MARK3: variants seen among roughly 807,000 people sequenced by gnomAD.
MARK3 encodes the protein microtubule affinity regulating kinase 3, also known as MAP/microtubule affinity-regulating kinase 3.
Under a neutral mutation model 90.1 loss-of-function variants are expected in MARK3, and 46 were observed. The ratio of observed to expected loss-of-function variants is 0.51; its 90% CI spans 0.40 to 0.65. The LOEUF (loss-of-function observed/expected upper bound fraction) is 0.65. Ranked by LOEUF, MARK3 falls within the 30% of genes least tolerant of loss-of-function variation. MARK3 has a pLI of 0.00. For missense variants in MARK3, 818 were observed against 947.2 expected (o/e 0.86, Z 1.79); for synonymous variants, 321 against 332.6 (o/e 0.97, Z 0.38).
chr14:103,426,602 C>G (rs1220849490), intron 2 of MARK3, among the ~76,000 whole-genome samples: 3 of 152,128 alleles, frequency 2.0e-5, no homozygotes, highest in Non-Finnish European at 4.4e-5. Flanking sequence ...CATGGCAAAG[C>G]CTCTCTCCAC....
chr14:103,485,924 T>C (rs2093920514), intron 14 of MARK3, among the ~76,000 whole-genome samples: 1 of 152,032 alleles, frequency 6.6e-6, no homozygotes. Context: ...TACAAAACAG[T>C]TGGGAAGATT....
intron 13 of MARK3, among the ~76,000 whole-genome samples, chr14:103,478,656 C>T (rs1162267821): frequency 1.3e-5 from 2 of 152,162 alleles, no homozygotes; most frequent in Admixed American, 1.3e-4. Context: ...TCTCCTGCCT[C>T]AGCCTCCTGA....
chr14:103,440,927 G>A lies in MARK3; in HGVS notation c.298-7992G>A, dbSNP rs141161140. 2.8e-3 allele frequency among the ~76,000 whole-genome samples: 379 copies of A among 137,018 alleles called. 1 individual carries two copies. Among genetic ancestry groups the A allele is most frequent in the African/African-American group, 9.7e-3 (362 of 37,288 alleles). The allele number at this position is 137,018 out of a possible 152,430, so 89.9% of individuals were successfully genotyped here. A position where few individuals can be genotyped will look rare whatever the true frequency, so the allele number is the denominator to read the frequency against. On this transcript the variant is annotated intron_variant, in intron 3 of 17. Transcript: ENST00000429436. ...CTCCAGCCAGGGTAACAGAGCAGGA[G>A]CCCCTCTTAAAAAAAAAAAAAGAAA... is the stretch of plus-strand genomic sequence containing the variant.
intron 15 of MARK3, among the ~76,000 whole-genome samples, chr14:103,494,000 A>C (rs1273564982): frequency 6.8e-6 from 1 of 146,702 alleles, no homozygotes; most frequent in Non-Finnish European, 1.5e-5. Flanking sequence ...TTGGGAGGCC[A>C]AGAGGGGCGG....
chr14:103,427,093 C>T (rs2092430171), intron 2 of MARK3, among the ~76,000 whole-genome samples: 1 of 151,668 alleles, frequency 6.6e-6, no homozygotes, highest in South Asian at 2.1e-4. Context: ...AGGAGACTTT[C>T]CCCTTGTCTA....
chr14:103,445,285 A>G (rs1483098109), intron 3 of MARK3, among the ~76,000 whole-genome samples: 1 of 152,192 alleles, frequency 6.6e-6, no homozygotes, highest in Non-Finnish European at 1.5e-5. Flanking sequence ...TTAAGCTTAG[A>G]TAAGACTGTG....
chr14:103,402,951 G>A (rs1428193137), intron 1 of MARK3, among the ~76,000 whole-genome samples: 2 of 152,052 alleles, frequency 1.3e-5, no homozygotes, highest in Admixed American at 6.6e-5. Context: ...AGATAAACTG[G>A]TTTCAGGTTA....
chr14:103,497,245 T>C (rs976282007), intron 15 of MARK3, among the ~76,000 whole-genome samples: 3 of 152,340 alleles, frequency 2.0e-5, no homozygotes, highest in East Asian at 1.9e-4. Flanking sequence ...TTGGCAGTTA[T>C]TTATAGTAGT....
At chr14:103,393,049 T>C (rs2090361962) in intron 1 of MARK3, among the ~76,000 whole-genome samples, 2 of 152,182 alleles carry the variant, frequency 1.3e-5, no homozygotes, top group Non-Finnish European at 2.9e-5. Context: ...AGTGGCATGA[T>C]CTTGGCTCAC....
chr14:103,412,610 C>A, intron 2 of MARK3: 2 of 996,820 alleles, frequency 2.0e-6, no homozygotes, highest in Non-Finnish European at 1.5e-6. Flanking sequence ...CCTGACGGTG[C>A]CCGAGAAGCG....
chr14:103,480,771 T>C (rs1213296713), intron 14 of MARK3, among the ~76,000 whole-genome samples: 1 of 152,226 alleles, frequency 6.6e-6, no homozygotes, highest in East Asian at 1.9e-4. Context: ...GCTGTGGTTA[T>C]GTTGTAGAAC....
chr14:103,393,076 TG>T (rs1284680819), intron 1 of MARK3, among the ~76,000 whole-genome samples: 5 of 152,152 alleles, frequency 3.3e-5, no homozygotes, highest in Non-Finnish European at 4.4e-5. Flanking sequence ...CTCCGCCTCC[TG>T]GCTTCAAGCA....
At chr14:103,430,383 A>AC (rs1234265970) in intron 3 of MARK3, among the ~76,000 whole-genome samples, 1 of 12,158 alleles carries the variant, frequency 8.2e-5, no homozygotes, top group Non-Finnish European at 1.6e-4. Context: ...ATCTTCCCCC[A>AC]CCCCCAGCAA....
rs530541459 is a variant in MARK3, at chr14:103,391,073, A to G, written c.51+4993A>G. ...TAAAAAAATAGAATGTTATTTATCAATGCTTCTCAGCCACAGGGTGATTTT... is the reference window on the plus strand; with the variant it reads ...TAAAAAAATAGAATGTTATTTATCAGTGCTTCTCAGCCACAGGGTGATTTT... On this transcript the variant is annotated intron_variant, in intron 1 of 17. Coordinates refer to ENST00000429436, the MANE Select transcript of MARK3 (RefSeq NM_001128918.3). Among the ~76,000 whole-genome samples the G allele has an allele frequency of 8.5e-5, 13 of 152,342 alleles. No homozygotes were observed. In the South Asian group the frequency reaches 2.3e-3, roughly 27 times the overall value.
intron 7 of MARK3, among the ~76,000 whole-genome samples, chr14:103,463,778 A>T (rs1345352166): frequency 6.6e-6 from 1 of 152,162 alleles, no homozygotes; most frequent in Non-Finnish European, 1.5e-5. Flanking sequence ...CACAAATAAG[A>T]TGGTCATTTC....
Position 103,451,915 on chromosome 14 carries a change from C to A in MARK3, c.347-3C>A. On this transcript the variant is annotated splice_region_variant and splice_polypyrimidine_tract_variant and intron_variant, in intron 4 of 17. Coordinates refer to ENST00000429436, the MANE Select transcript of MARK3 (RefSeq NM_001128918.3). The stretch of plus-strand genomic sequence containing the variant: ...TTCTTCCGTGTCCTCTCCTCTCCCG[C>A]AGTGAAGTTATTCGAAGTCATTGAA... The A allele has an allele frequency of 1.2e-6, 2 of 1,608,306 alleles. No individual in the cohort carries two copies. The highest frequency in any genetic ancestry group is 2.2e-5 in the East Asian group (1 of 44,816).
chr14:103,418,529 G>C (rs1336610873), intron 2 of MARK3, among the ~76,000 whole-genome samples: 1 of 152,100 alleles, frequency 6.6e-6, no homozygotes, highest in Non-Finnish European at 1.5e-5. Flanking sequence ...CTCTAGATAA[G>C]AATCTTCTCT....
chr14:103,397,267 C>A (rs1042866709), intron 1 of MARK3, among the ~76,000 whole-genome samples: 1 of 151,296 alleles, frequency 6.6e-6, no homozygotes, highest in Non-Finnish European at 1.5e-5. Context: ...TTTTCTGTTT[C>A]TTTTATTCCC....
intron 2 of MARK3, among the ~76,000 whole-genome samples, chr14:103,409,102 G>C (rs1047109411): frequency 1.3e-5 from 2 of 152,170 alleles, no homozygotes; most frequent in African/African-American, 4.8e-5. Context: ...TCTAGAGTCT[G>C]GCCTGTGGTG....
Sources: gnomAD v4.1 joint callset for allele counts (sites outside exome capture counted in the v4.1 genomes callset) on GRCh38, gnomAD v4.1.1 for gene constraint, MANE v1.5 for transcripts, NCBI Gene and HGNC (gene_info 2026-07-23, HGNC 2026-07-21) for gene names.